The following WNT3A variants were observed in gnomAD, a reference collection of about 807,000 sequenced individuals.
The protein encoded by WNT3A is protein Wnt-3a.
A neutral mutation model predicts 37.0 loss-of-function variants in WNT3A; 17 were observed. The ratio of observed to expected loss-of-function variants is 0.46; its 90% CI spans 0.31 to 0.69. The LOEUF (loss-of-function observed/expected upper bound fraction) is 0.69. Among genes scored for constraint, WNT3A ranks in the 30% least tolerant of loss-of-function variants. WNT3A has a pLI of 0.05. For missense variants in WNT3A, 411 were observed against 510.2 expected, an observed-to-expected ratio of 0.81 and a Z score of 1.87; for synonymous variants, 187 against 211.0, an observed-to-expected ratio of 0.89 and a Z score of 0.99.
At chr1:228,045,858 G>A (rs921971352) in intron 2 of WNT3A, among the ~76,000 whole-genome samples, 4 of 152,226 alleles carry the variant, frequency 2.6e-5, no homozygotes, top group African/African-American at 9.7e-5. Context: ...TCAGCCCACG[G>A]CTCCTGCCTT....
intron 1 of WNT3A, among the ~76,000 whole-genome samples, chr1:228,017,549 CA>C (rs1287408527): frequency 6.6e-6 from 1 of 152,042 alleles, no homozygotes; most frequent in African/African-American, 2.4e-5. Flanking sequence ...ACCATCTCTA[CA>C]AAAAATACAA....
chr1:228,050,718 C>T lies in WNT3A; in HGVS notation c.376C>T (p.Arg126Cys), dbSNP rs773519307. 6 of 1,613,912 alleles carry T rather than the reference C, an allele frequency of 3.7e-6. No individual in the cohort carries two copies. The highest frequency in any genetic ancestry group is 4.2e-6 in the Non-Finnish European group (5 of 1,179,974). ...ASAGVAFAVT[R>C]SCAEGTAAIC... The stretch of plus-strand genomic sequence containing the variant: ...AGCCGGTGTGGCCTTTGCAGTGACA[C>T]GCTCATGTGCAGAAGGCACGGCCGC... The change falls in exon 3 of 4, where the codon CGC becomes TGC. Residue 126 changes from arginine (R) to cysteine (C), a missense_variant. Arg to Cys is a radical substitution (Grantham distance 180). Coordinates refer to ENST00000284523, the MANE Select transcript of WNT3A (RefSeq NM_033131.4). This position sits in a 1 kb window ranked among gnomAD's most constrained non-coding sequence, Gnocchi z 5.0.
chr1:228,029,784 C>T (rs1427861531), intron 2 of WNT3A, among the ~76,000 whole-genome samples: 6 of 149,786 alleles, frequency 4.0e-5, no homozygotes, highest in South Asian at 2.1e-4. Context: ...CCACAGGTGA[C>T]GGTGTTAGAA....
chr1:228,014,397 G>C (rs1407408500), intron 1 of WNT3A, among the ~76,000 whole-genome samples: 1 of 152,128 alleles, frequency 6.6e-6, no homozygotes, highest in African/African-American at 2.4e-5. Context: ...AGGTCCCCAC[G>C]CCCCCAGCAA....
At chr1:228,020,566 C>T (rs1406997406) in intron 1 of WNT3A, among the ~76,000 whole-genome samples, 1 of 152,206 alleles carries the variant, frequency 6.6e-6, no homozygotes, top group African/African-American at 2.4e-5. Context: ...AGGAAGGAGA[C>T]ATGGAAAAAG....
At chr1:228,044,382 C>T (rs1408398535) in intron 2 of WNT3A, among the ~76,000 whole-genome samples, 2 of 152,136 alleles carry the variant, frequency 1.3e-5, no homozygotes, top group African/African-American at 4.8e-5. Flanking sequence ...TATCAAGATC[C>T]CTTTTCTGTC....
intron 2 of WNT3A, among the ~76,000 whole-genome samples, chr1:228,041,354 C>T (rs1281847027): frequency 1.3e-5 from 2 of 152,052 alleles, no homozygotes; most frequent in East Asian, 3.9e-4. Flanking sequence ...CCTAGAACTC[C>T]CTCACCTTCT....
intron 1 of WNT3A, among the ~76,000 whole-genome samples, chr1:228,018,129 G>A (rs2030585269): frequency 6.6e-6 from 1 of 152,104 alleles, no homozygotes. Flanking sequence ...AGGACCCTGG[G>A]GACACTCGAT....
chr1:228,034,189 G>A (rs962915956), intron 2 of WNT3A, among the ~76,000 whole-genome samples: 1 of 152,140 alleles, frequency 6.6e-6, no homozygotes, highest in African/African-American at 2.4e-5. Flanking sequence ...TTAAGCCCAG[G>A]AGGCGGAGGT....
At chr1:228,051,706 G>A (rs1437603693) in intron 3 of WNT3A, among the ~76,000 whole-genome samples, 2 of 152,120 alleles carry the variant, frequency 1.3e-5, no homozygotes, top group Non-Finnish European at 2.9e-5. Flanking sequence ...CCCGAGACTG[G>A]GTAATTTATG....
intron 1 of WNT3A, among the ~76,000 whole-genome samples, chr1:228,011,292 A>G (rs1045164191): frequency 1.3e-5 from 2 of 152,118 alleles, no homozygotes; most frequent in African/African-American, 4.8e-5. Context: ...GGGTACCCAG[A>G]AGCTCAGATG....
At chr1:228,046,987 C>T (rs534140660) in intron 2 of WNT3A, among the ~76,000 whole-genome samples, 52 of 152,218 alleles carry the variant, frequency 3.4e-4, no homozygotes, top group African/African-American at 1.2e-3. Context: ...CTCTTCATGG[C>T]GAGGTGGGAG....
rs186692850 is a variant in WNT3A at position 228,007,421 on chromosome 1, G to A, written c.71+222G>A. 1.3e-5 allele frequency among the ~76,000 whole-genome samples: 2 copies of A among 152,104 alleles called. No homozygotes were observed. Among genetic ancestry groups the A allele is most frequent in the African/African-American group, 2.4e-5 (1 of 41,428 alleles). ...TTTCCGGAGACATTGATTCCCGAGC[G>A]GGGGAGTAGGGGAGGTTGCGGAGGT... On this transcript the variant is annotated intron_variant, in intron 1 of 3. Coordinates refer to ENST00000284523, the MANE Select transcript of WNT3A (RefSeq NM_033131.4). This position sits in a 1 kb window ranked among gnomAD's most constrained non-coding sequence, Gnocchi z 6.0.
At chr1:228,012,909 G>A (rs377360542) in intron 1 of WNT3A, among the ~76,000 whole-genome samples, 13 of 152,224 alleles carry the variant, frequency 8.5e-5, no homozygotes, top group South Asian at 2.1e-4. Context: ...ACAGGGTCTC[G>A]CTCTGTCACC....
chr1:228,037,898 G>C lies in WNT3A; in HGVS notation c.314-12758G>C, dbSNP rs1421969573. ...ATGGGGATTTCCCCTCGCGCCGGAC[G>C]GCCTGGCGCGCGGCGCATACTTCCA... On this transcript the variant is annotated intron_variant, in intron 2 of 3. Transcript: ENST00000284523. This position sits in a 1 kb window ranked among gnomAD's most constrained non-coding sequence, Gnocchi z 4.1. Among the ~76,000 whole-genome samples, 1 of 152,220 alleles carries C rather than the reference G, an allele frequency of 6.6e-6. No individual in the cohort carries two copies. The highest frequency in any genetic ancestry group is 2.4e-5 in the African/African-American group (1 of 41,482).
chr1:228,059,759 G>A lies in WNT3A; in HGVS notation c.*294G>A, dbSNP rs2031758766. The A allele has an allele frequency of 2.4e-6, 3 of 1,238,232 alleles. No individual in the cohort carries two copies. Among genetic ancestry groups the A allele is most frequent in the Admixed American group, 8.1e-5 (2 of 24,572 alleles). The allele number at this position is 1,238,232 out of a possible 1,614,324, so 76.7% of individuals were successfully genotyped here. ...GGGGACGGGGCTCCCCTGGACAGAGGCGGGGCTACAGATTGGGCGGGGCTT... is the reference window on the plus strand; with the variant it reads ...GGGGACGGGGCTCCCCTGGACAGAGACGGGGCTACAGATTGGGCGGGGCTT... On this transcript the variant is annotated 3_prime_UTR_variant, in exon 4 of 4. Coordinates refer to ENST00000284523, the MANE Select transcript of WNT3A (RefSeq NM_033131.4).
At position 228,018,988 on chromosome 1, in the gene WNT3A, G is replaced by A. The variant is rs368056434; in HGVS notation, c.72-3679G>A. 1.8e-4 allele frequency among the ~76,000 whole-genome samples: 28 copies of A among 152,254 alleles called. 1 individual carries two copies. The highest frequency in any genetic ancestry group is 6.2e-4 in the South Asian group (3 of 4,834). ...CCTGACCCCAAATCCACAAGGGCCC[G>A]TCAAGGGAGGGGTCCCATCAGGGCT... On this transcript the variant is annotated intron_variant, in intron 1 of 3. Coordinates refer to ENST00000284523, the MANE Select transcript of WNT3A (RefSeq NM_033131.4).
chr1:228,056,060 C>T (rs1479516897), intron 3 of WNT3A, among the ~76,000 whole-genome samples: 1 of 152,208 alleles, frequency 6.6e-6, no homozygotes. Context: ...GCTCTGGGGA[C>T]TCTGACCAAC....
intron 2 of WNT3A, among the ~76,000 whole-genome samples, chr1:228,024,443 C>T (rs1307313959): frequency 6.6e-6 from 1 of 152,208 alleles, no homozygotes; most frequent in Non-Finnish European, 1.5e-5. Context: ...ATTTCATGGG[C>T]TTTGGGGCCA....
Sources: gnomAD v4.1 joint callset for allele counts (sites outside exome capture counted in the v4.1 genomes callset) on GRCh38, gnomAD v4.1.1 for gene constraint, Gnocchi (gnomAD v3.1) non-coding constraint, MANE v1.5 for transcripts, NCBI Gene and HGNC (gene_info 2026-07-23, HGNC 2026-07-21) for gene names.